Variants in CACNB2 observed in about 807,000 individuals in gnomAD.
The protein encoded by CACNB2 is voltage-dependent L-type calcium channel subunit beta-2.
Under a neutral mutation model 73.3 loss-of-function variants are expected in CACNB2, and 42 were observed. That is an observed-to-expected ratio of 0.57 (90% CI 0.45 to 0.74). The LOEUF is 0.74. CACNB2 is among the 30% of genes least tolerant of loss of function. The probability of loss-of-function intolerance (pLI) is 0.00; values close to 1 mark genes in which losing one functional copy is unlikely to be tolerated. For synonymous variants in CACNB2, 348 were observed against 310.3 expected, an observed-to-expected ratio of 1.12 and a Z score of -1.28; for missense variants, 940 against 853.0, an observed-to-expected ratio of 1.10 and a Z score of -1.27.
At chr10:18,148,458 G>C (rs1418739973) in intron 1 of CACNB2, among the ~76,000 whole-genome samples, 1 of 152,158 alleles carries the variant, frequency 6.6e-6, no homozygotes, top group South Asian at 2.1e-4. Context: ...AGGATTCCCA[G>C]GGGTCTGGAA....
At chr10:18,190,027 C>G (rs1405674050) in intron 2 of CACNB2, among the ~76,000 whole-genome samples, 2 of 152,192 alleles carry the variant, frequency 1.3e-5, no homozygotes, top group Non-Finnish European at 2.9e-5. Flanking sequence ...GAATGATGAT[C>G]TCACAGAGTT....
chr10:18,346,793 C>T (rs912388168), intron 2 of CACNB2, among the ~76,000 whole-genome samples: 1 of 152,010 alleles, frequency 6.6e-6, no homozygotes, highest in African/African-American at 2.4e-5. Context: ...GACAAGGTTT[C>T]ACTTTGTTAC....
chr10:18,380,511 A>G (rs1013794412), intron 2 of CACNB2, among the ~76,000 whole-genome samples: 1 of 145,932 alleles, frequency 6.9e-6, no homozygotes, highest in Admixed American at 7.0e-5. Flanking sequence ...CTGGAGTGCA[A>G]TGGTGCAATC....
rs1027988292 is a variant in CACNB2 at position 18,542,343 on chromosome 10, T to A, written c.*2619T>A. ...CATAATAAACTTGACAATTCTTACA[T>A]TGGTAGGAAACCATATTCTAATTAA... On this transcript the variant is annotated 3_prime_UTR_variant, in exon 14 of 14. Transcript: ENST00000324631. 1 of 152,202 alleles carries A rather than the reference T, an allele frequency of 6.6e-6. No homozygotes were observed. The highest frequency in any genetic ancestry group is 1.5e-5 in the Non-Finnish European group (1 of 68,042). The allele number at this position is 152,202 out of a possible 1,614,324, so 9.4% of individuals were successfully genotyped here.
chr10:18,433,873 T>TTTGTTG lies in CACNB2; in HGVS notation c.333+31866_333+31871dup, dbSNP rs143561512. Among the ~76,000 whole-genome samples the TTTGTTG allele has an allele frequency of 1.9e-3, 291 of 150,040 alleles. 1 individual carries two copies. The highest frequency in any genetic ancestry group is 6.7e-3 in the African/African-American group (275 of 40,792). On this transcript the variant is annotated intron_variant, in intron 3 of 13. Transcript: ENST00000324631. ...TCAAAACTATTGTCTTAAATCAGAT[T>TTTGTTG]TTGTTGTTGTTGTTGTTGTTGTTGT...
At chr10:18,497,281 T>A (rs1361010963) in intron 3 of CACNB2, among the ~76,000 whole-genome samples, 1 of 150,660 alleles carries the variant, frequency 6.6e-6, no homozygotes, top group Non-Finnish European at 1.5e-5. Context: ...TTGCCCATAA[T>A]GGGAAAGAAA....
chr10:18,232,580 C>T (rs1249302366), intron 2 of CACNB2, among the ~76,000 whole-genome samples: 1 of 152,158 alleles, frequency 6.6e-6, no homozygotes, highest in Non-Finnish European at 1.5e-5. Flanking sequence ...CAGAATGATA[C>T]TAATCTCTTC....
chr10:18,516,211 C>G (rs2051264458), intron 7 of CACNB2, among the ~76,000 whole-genome samples: 1 of 146,618 alleles, frequency 6.8e-6, no homozygotes, highest in African/African-American at 2.5e-5. Flanking sequence ...CTAGATAACT[C>G]TGTCTCAAAA....
chr10:18,509,032 T>C (rs192816459), intron 6 of CACNB2, among the ~76,000 whole-genome samples: 122 of 152,356 alleles, frequency 8.0e-4, no homozygotes, highest in African/African-American at 2.7e-3. Flanking sequence ...TTTGTAGAGA[T>C]ACACCAACTT....
chr10:18,286,006 A>G (rs1394913596), intron 2 of CACNB2, among the ~76,000 whole-genome samples: 3 of 152,224 alleles, frequency 2.0e-5, no homozygotes, highest in Non-Finnish European at 2.9e-5. Context: ...AGTTTTTGAA[A>G]TACTTTAAAA....
intron 2 of CACNB2, among the ~76,000 whole-genome samples, chr10:18,301,332 C>G (rs2039501664): frequency 6.6e-6 from 1 of 152,092 alleles, no homozygotes; most frequent in African/African-American, 2.4e-5. Context: ...TAAACAAGCT[C>G]CACAGTAATC....
At chr10:18,492,639 GAAAA>G (rs1183474966) in intron 3 of CACNB2, among the ~76,000 whole-genome samples, 50 of 99,206 alleles carry the variant, frequency 5.0e-4, no homozygotes, top group African/African-American at 2.7e-3. Flanking sequence ...AAAAAAAAAA[GAAAA>G]AAAGAAAAGA....
chr10:18,341,277 A>G (rs898180866), intron 2 of CACNB2, among the ~76,000 whole-genome samples: 4 of 152,210 alleles, frequency 2.6e-5, no homozygotes, highest in Admixed American at 1.3e-4. Flanking sequence ...TTTTCCAGCT[A>G]TAGACCAGCA....
intron 10 of CACNB2, among the ~76,000 whole-genome samples, chr10:18,530,539 G>A (rs891386381): frequency 6.6e-6 from 1 of 150,648 alleles, no homozygotes. Flanking sequence ...ATGCAGTTGG[G>A]CAAACCAACT....
chr10:18,347,911 G>A (rs867196813), intron 2 of CACNB2, among the ~76,000 whole-genome samples: 2 of 152,192 alleles, frequency 1.3e-5, no homozygotes, highest in African/African-American at 4.8e-5. Flanking sequence ...TACATCAGAA[G>A]GTTTTGAGCG....
chr10:18,225,254 G>A (rs2035944937), intron 2 of CACNB2, among the ~76,000 whole-genome samples: 2 of 152,024 alleles, frequency 1.3e-5, no homozygotes, highest in Admixed American at 6.5e-5. Context: ...GGGGGATGGG[G>A]GAGGGTAAAG....
rs2040819896 is a variant in CACNB2, at chr10:18,331,851, A to G, written c.214-70073A>G. Among the ~76,000 whole-genome samples the G allele has an allele frequency of 1.3e-5, 2 of 152,204 alleles. 1 individual carries two copies. The highest frequency in any genetic ancestry group is 4.1e-4 in the South Asian group (2 of 4,832). On this transcript the variant is annotated intron_variant, in intron 2 of 13. Transcript: ENST00000324631. The stretch of plus-strand genomic sequence containing the variant: ...TTCCCTGGATTGTGGGCCAAATCAT[A>G]TCACTCTAAAAGTACCAAGTATGTT...
At chr10:18,390,880 A>C (rs1320424304) in intron 2 of CACNB2, among the ~76,000 whole-genome samples, 1 of 152,244 alleles carries the variant, frequency 6.6e-6, no homozygotes, top group Non-Finnish European at 1.5e-5. Context: ...AAATGAGAGA[A>C]TTAGCCAGAG....
chr10:18,495,584 T>TGTGTGTG (rs1697808717), intron 3 of CACNB2, among the ~76,000 whole-genome samples: 1 of 138,196 alleles, frequency 7.2e-6, no homozygotes, highest in African/African-American at 2.7e-5. Context: ...TGTGTGTGTG[T>TGTGTGTG]GTGTGTGTAT....
Sources: gnomAD v4.1 joint callset for allele counts (sites outside exome capture counted in the v4.1 genomes callset) on GRCh38, gnomAD v4.1.1 for gene constraint, MANE v1.5 for transcripts, NCBI Gene and HGNC (gene_info 2026-07-23, HGNC 2026-07-21) for gene names.